NUS1: variants seen among roughly 807,000 people sequenced by gnomAD.
NUS1 encodes the protein NUS1 dehydrodolichyl diphosphate synthase subunit.
For missense variants in NUS1, 292 were observed against 382.9 expected, an observed-to-expected ratio of 0.76 and a Z score of 1.98; for synonymous variants, 135 against 155.2, an observed-to-expected ratio of 0.87 and a Z score of 0.97.
At chr6:117,676,982 C>T (rs1227848012) in intron 1 of NUS1, among the ~76,000 whole-genome samples, 3 of 152,182 alleles carry the variant, frequency 2.0e-5, no homozygotes, top group African/African-American at 4.8e-5. Context: ...TGGTCCCTTT[C>T]TGTCTTGGAA....
chr6:117,688,865 T>C (rs894717384), intron 1 of NUS1, among the ~76,000 whole-genome samples: 2 of 152,232 alleles, frequency 1.3e-5, no homozygotes, highest in Non-Finnish European at 2.9e-5. Flanking sequence ...TCTTAATTAC[T>C]GAGTTTTTTT....
chr6:117,675,884 C>G lies in NUS1; in HGVS notation c.214C>G (p.Pro72Ala). 1 of 1,534,836 alleles carries G rather than the reference C, an allele frequency of 6.5e-7. No homozygotes were observed. Among genetic ancestry groups the G allele is most frequent in the South Asian group, 1.2e-5 (1 of 82,238 alleles). Residue 72 changes from proline to alanine, a missense_variant, in exon 1 of 5, where the codon CCG becomes GCG. Transcript: ENST00000368494. ...VGRNRRHHRH[P>A]RGGSCLAAAH... Reference sequence around the variant, plus strand: ...CAGGAACCGCCGTCACCACCGGCACCCGCGCGGGGGGTCGTGCCTGGCAGC... The same window carrying G: ...CAGGAACCGCCGTCACCACCGGCACGCGCGCGGGGGGTCGTGCCTGGCAGC...
chr6:117,694,572 TCTTA>T (rs1203309538), intron 3 of NUS1, among the ~76,000 whole-genome samples: 1 of 152,138 alleles, frequency 6.6e-6, no homozygotes, highest in African/African-American at 2.4e-5. Flanking sequence ...AGGAATATAA[TCTTA>T]CTGTTACCAT....
chr6:117,707,707 G>A lies in NUS1; in HGVS notation c.*692G>A, dbSNP rs895115169. On this transcript the variant is annotated 3_prime_UTR_variant, in exon 5 of 5. Transcript: ENST00000368494. ...GGGTTCAAAAGTATGACTTGAGAGTGTTGCTCTGGTATTCTGAGAGTTGCT... is the reference window on the plus strand; with the variant it reads ...GGGTTCAAAAGTATGACTTGAGAGTATTGCTCTGGTATTCTGAGAGTTGCT... 6.7e-6 allele frequency: 1 copy of A among 149,184 alleles called. No individual in the cohort carries two copies. The highest frequency in any genetic ancestry group is 2.5e-5 in the African/African-American group (1 of 40,330). The allele number at this position is 149,184 out of a possible 1,614,324, so 9.2% of individuals were successfully genotyped here. A position where few individuals can be genotyped will look rare whatever the true frequency, so the allele number is the denominator to read the frequency against.
intron 3 of NUS1, among the ~76,000 whole-genome samples, chr6:117,695,154 A>G (rs1773297707): frequency 7.1e-6 from 1 of 140,324 alleles, no homozygotes; most frequent in Non-Finnish European, 1.5e-5. Flanking sequence ...AGATCGCATC[A>G]GTACACTCTA....
Position 117,675,663 on chromosome 6 carries a change from A to C in NUS1, c.-8A>C. The C allele has an allele frequency of 7.1e-7, 1 of 1,403,954 alleles. No individual in the cohort carries two copies. The highest frequency in any genetic ancestry group is 9.8e-7 in the Non-Finnish European group (1 of 1,018,014). The allele number at this position is 1,403,954 out of a possible 1,614,324, so 87.0% of individuals were successfully genotyped here. On this transcript the variant is annotated 5_prime_UTR_variant, in exon 1 of 5. Coordinates refer to ENST00000368494, the MANE Select transcript of NUS1 (RefSeq NM_138459.5). Reference sequence around the variant, plus strand: ...GAGGGAGAGGGGGTGTCTGAGGGCCACAAGAGTATGACGGGGCTGTACGAG... The same window carrying C: ...GAGGGAGAGGGGGTGTCTGAGGGCCCCAAGAGTATGACGGGGCTGTACGAG...
At chr6:117,704,497 C>T (rs1252587716) in intron 4 of NUS1, among the ~76,000 whole-genome samples, 3 of 152,116 alleles carry the variant, frequency 2.0e-5, no homozygotes, top group African/African-American at 7.2e-5. Context: ...GCTAAACAAC[C>T]ATGGATGATA....
intron 1 of NUS1, among the ~76,000 whole-genome samples, chr6:117,678,677 GTTTTTTTT>G (rs34349121): frequency 1.0e-5 from 1 of 100,314 alleles, no homozygotes; most frequent in African/African-American, 3.7e-5. Flanking sequence ...TTTTTCAGTG[GTTTTTTTT>G]TTTTTTTTTT....
At chr6:117,705,059 A>G (rs1247174879) in intron 4 of NUS1, among the ~76,000 whole-genome samples, 2 of 152,174 alleles carry the variant, frequency 1.3e-5, no homozygotes, top group Non-Finnish European at 2.9e-5. Flanking sequence ...GGGACAAAGT[A>G]TGAAAAAGAG....
chr6:117,693,900 G>A (rs1773278865), intron 2 of NUS1, 131 bp from the exon 3 acceptor site: 1 of 883,346 alleles, frequency 1.1e-6, no homozygotes, highest in South Asian at 2.1e-5. Context: ...AAATTGAAGG[G>A]CTTAAAAAAT....
chr6:117,682,367 A>G (rs13197261), intron 1 of NUS1, among the ~76,000 whole-genome samples: 4,280 of 152,262 alleles, frequency 0.028, 70 homozygotes, highest in Non-Finnish European at 0.04. Flanking sequence ...TAGGAGGCTG[A>G]CATGGGAGGA....
chr6:117,678,631 A>T (rs1040026336), intron 1 of NUS1, among the ~76,000 whole-genome samples: 2 of 151,422 alleles, frequency 1.3e-5, no homozygotes, highest in Non-Finnish European at 2.9e-5. Flanking sequence ...AATCACTCAG[A>T]GGGAGTATAG....
rs529158239 is a variant in NUS1, at chr6:117,683,595, A to G, written c.415+7510A>G. Among the ~76,000 whole-genome samples the G allele has an allele frequency of 3.3e-5, 5 of 152,266 alleles. No homozygotes were observed. The East Asian group carries it at 7.7e-4, about 23-fold the overall frequency. On this transcript the variant is annotated intron_variant, in intron 1 of 4. Coordinates refer to ENST00000368494, the MANE Select transcript of NUS1 (RefSeq NM_138459.5). ...AAATAGAGATTACTTTAATTCCATA[A>G]CCAGTGAAGTGCTTAATAATGAGGA...
intron 3 of NUS1, among the ~76,000 whole-genome samples, chr6:117,699,084 A>G (rs1773361719): frequency 6.6e-6 from 1 of 152,168 alleles, no homozygotes; most frequent in African/African-American, 2.4e-5. Flanking sequence ...CTTTCCTCCA[A>G]TAACTGGAAC....
chr6:117,704,061 G>C (rs1031679521), intron 4 of NUS1, among the ~76,000 whole-genome samples: 1 of 152,150 alleles, frequency 6.6e-6, no homozygotes, highest in African/African-American at 2.4e-5. Flanking sequence ...AAAGAAATAA[G>C]GAACTAGCCA....
At chr6:117,694,606 T>G (rs1426701339) in intron 3 of NUS1, among the ~76,000 whole-genome samples, 1 of 152,206 alleles carries the variant, frequency 6.6e-6, no homozygotes, top group Non-Finnish European at 1.5e-5. Context: ...TTAATTATTC[T>G]TTCTATTATG....
chr6:117,690,895 G>T (rs1472121800), intron 1 of NUS1, among the ~76,000 whole-genome samples: 1 of 142,036 alleles, frequency 7.0e-6, no homozygotes, highest in Admixed American at 7.7e-5. Context: ...CAGGAGAATC[G>T]CATGAACCCA....
At position 117,708,786 on chromosome 6, in the gene NUS1, G is replaced by A. The variant is rs1348068245; in HGVS notation, c.*1771G>A. 2.0e-5 allele frequency: 3 copies of A among 152,102 alleles called. No homozygotes were observed. The highest frequency in any genetic ancestry group is 7.3e-5 in the African/African-American group (3 of 41,342). The allele number at this position is 152,102 out of a possible 1,614,324, so 9.4% of individuals were successfully genotyped here. On this transcript the variant is annotated 3_prime_UTR_variant, in exon 5 of 5. Transcript: ENST00000368494. ...GCTGAAGACTGAATTTATGCCTTTT[G>A]TAAACATGATAGGTATAAATGTCTT...
At chr6:117,688,435 G>A (rs767788269) in intron 1 of NUS1, among the ~76,000 whole-genome samples, 6 of 142,662 alleles carry the variant, frequency 4.2e-5, no homozygotes, top group East Asian at 2.0e-4. Context: ...GAAATAGAGC[G>A]TCAAGAAGGA....
Sources: allele counts gnomAD v4.1 joint callset (sites outside exome capture counted in the v4.1 genomes callset), GRCh38; gene constraint gnomAD v4.1.1; transcripts MANE v1.5; gene names NCBI Gene and HGNC (gene_info 2026-07-23, HGNC 2026-07-21).